Variants in GPLD1 observed in about 807,000 individuals in gnomAD.
The protein encoded by GPLD1 is phosphatidylinositol-glycan-specific phospholipase D.
In GPLD1, 84 loss-of-function variants were observed where a neutral mutation model predicts 112.6. The observed-to-expected ratio is 0.75, with a 90% CI of 0.63 to 0.89. The LOEUF (loss-of-function observed/expected upper bound fraction) is 0.89, where lower values mean the gene tolerates loss of function less well. Ranked by LOEUF, GPLD1 falls within the 40% of genes least tolerant of loss-of-function variation. The probability of loss-of-function intolerance (pLI) is 0.00; values close to 1 mark genes in which losing one functional copy is unlikely to be tolerated. For missense variants in GPLD1, 1,044 were observed against 1,051.5 expected (o/e 0.99, Z 0.10); for synonymous variants, 386 against 403.8 (o/e 0.96, Z 0.53).
chr6:24,483,986 G>T (rs1464357661), intron 2 of GPLD1, among the ~76,000 whole-genome samples: 1 of 152,124 alleles, frequency 6.6e-6, no homozygotes, highest in Admixed American at 6.5e-5. Flanking sequence ...TGCGATCTCC[G>T]CTCCCTGCAA....
chr6:24,435,307 G>A (rs141735110), intron 22 of GPLD1, among the ~76,000 whole-genome samples: 340 of 152,102 alleles, frequency 2.2e-3, no homozygotes, highest in African/African-American at 5.9e-3. Flanking sequence ...CACTGCGCCC[G>A]GCCAATTTCA....
chr6:24,432,207 A>G (rs1762424771), intron 24 of GPLD1, among the ~76,000 whole-genome samples: 1 of 142,988 alleles, frequency 7.0e-6, no homozygotes, highest in South Asian at 2.2e-4. Flanking sequence ...AGACCACACC[A>G]TTGCACTCCG....
chr6:24,495,066 C>A, exon 1 of GPLD1: 1 of 1,337,578 alleles, frequency 7.5e-7, no homozygotes, highest in Non-Finnish European at 9.6e-7. Context: ...AGGCTGCCGC[C>A]TCCGCCCCCG....
Position 24,456,604 on chromosome 6 carries a change from T to C in GPLD1, c.1042A>G (p.Arg348Gly), listed in dbSNP as rs2127345382. 3 of 1,606,622 alleles carry C rather than the reference T, an allele frequency of 1.9e-6. No homozygotes were observed. Among genetic ancestry groups the C allele is most frequent in the Non-Finnish European group, 2.6e-6 (3 of 1,173,654 alleles). ...CCTATGAACATTGTCCTTATGTTCC[T>C]TTCCAAAGCCTTGTAGATAAAGGAC... is the stretch of plus-strand genomic sequence containing the variant. Reference protein sequence around the residue: ...SMSFIYKALERNIRTMFIGGS... With the variant: ...SMSFIYKALEGNIRTMFIGGS... The change falls in exon 13 of 25, where the codon AGG becomes GGG. Residue 348 changes from arginine (R) to glycine (G), a missense_variant. Physicochemically the swap from Arg to Gly is moderately radical, Grantham distance 125 (BLOSUM62 -2). Coordinates refer to ENST00000230036, the MANE Select transcript of GPLD1 (RefSeq NM_001503.4).
rs1312588466 is a variant in GPLD1 at position 24,428,062 on chromosome 6, T to C, written c.*970A>G. 1 of 151,244 alleles carries C rather than the reference T, an allele frequency of 6.6e-6. No individual in the cohort carries two copies. Among genetic ancestry groups the C allele is most frequent in the African/African-American group, 2.4e-5 (1 of 41,152 alleles). The allele number at this position is 151,244 out of a possible 1,614,324, so 9.4% of individuals were successfully genotyped here. A position where few individuals can be genotyped will look rare whatever the true frequency, so the allele number is the denominator to read the frequency against. ...TTCACATGTACCACTGAACCTAAAATAAAAGTTAAAAAGGACTAAGTCACA... is the reference window on the plus strand; with the variant it reads ...TTCACATGTACCACTGAACCTAAAACAAAAGTTAAAAAGGACTAAGTCACA... On this transcript the variant is annotated 3_prime_UTR_variant, in exon 25 of 25. Transcript: ENST00000230036.
intron 1 of GPLD1, among the ~76,000 whole-genome samples, chr6:24,488,276 G>A (rs1271334818): frequency 3.9e-5 from 6 of 152,082 alleles, no homozygotes; most frequent in Non-Finnish European, 7.4e-5. Flanking sequence ...GCCAGGCGTG[G>A]TGGCGGGCAC....
intron 20 of GPLD1, 115 bp downstream of exon 20, chr6:24,445,431 G>GA (rs1357195511): frequency 2.9e-6 from 2 of 678,688 alleles, no homozygotes; most frequent in African/African-American, 3.6e-5. Flanking sequence ...ATGAAAAAAG[G>GA]AAATATTGAA....
intron 22 of GPLD1, among the ~76,000 whole-genome samples, chr6:24,434,600 CAG>C (rs1022038106): frequency 6.6e-6 from 1 of 151,882 alleles, no homozygotes; most frequent in Non-Finnish European, 1.5e-5. Flanking sequence ...TATTTTAAGA[CAG>C]GGTCTTGGGC....
Position 24,442,665 on chromosome 6 carries a change from C to T in GPLD1, c.2020+2881G>A, listed in dbSNP as rs146614766. Among the ~76,000 whole-genome samples, 133 of 151,698 alleles carry T rather than the reference C, an allele frequency of 8.8e-4. 1 individual carries two copies. The East Asian group carries it at 0.024, about 27-fold the overall frequency. ...TTCACTGTGTTAGCCAGGATGGTCT[C>T]GATCACCTGACCTCATGATCCACCC... On this transcript the variant is annotated intron_variant, in intron 20 of 24. Transcript: ENST00000230036.
rs773875614 is a variant in GPLD1, at chr6:24,437,062, C to T, written c.2197+51G>A. The T allele has an allele frequency of 6.8e-5, 105 of 1,535,384 alleles. No individual in the cohort carries two copies. In the East Asian group the frequency reaches 2.3e-3, roughly 34 times the overall value. On this transcript the variant is annotated intron_variant, in intron 21 of 24. Transcript: ENST00000230036. Reference sequence around the variant, plus strand: ...AGATGACCCAATTAGGGGACCCACCCCCTGGGCAAAGGGACTCAATTCTTG... The same window carrying T: ...AGATGACCCAATTAGGGGACCCACCTCCTGGGCAAAGGGACTCAATTCTTG...
chr6:24,461,462 A>T (rs1763432111), intron 11 of GPLD1, among the ~76,000 whole-genome samples: 1 of 152,194 alleles, frequency 6.6e-6, no homozygotes, highest in African/African-American at 2.4e-5. Flanking sequence ...TTATCATTGC[A>T]ATACTCTACT....
intron 4 of GPLD1, among the ~76,000 whole-genome samples, chr6:24,475,828 A>C (rs1763996033): frequency 6.6e-6 from 1 of 152,048 alleles, no homozygotes; most frequent in Non-Finnish European, 1.5e-5. Flanking sequence ...ACTGCACTCC[A>C]GCCTGGGTGA....
chr6:24,453,298 A>G (rs1163459955), intron 14 of GPLD1, among the ~76,000 whole-genome samples: 1 of 152,208 alleles, frequency 6.6e-6, no homozygotes, highest in Admixed American at 6.5e-5. Flanking sequence ...ATGAGTAAAC[A>G]GTACATGGGA....
At chr6:24,493,035 G>GCC (rs1428079870), upstream of GPLD1, among the ~76,000 whole-genome samples, 1 of 152,108 alleles carries the variant, frequency 6.6e-6, no homozygotes, top group African/African-American at 2.4e-5. Flanking sequence ...TACCTACTGT[G>GCC]CGTAATGGAT....
intron 3 of GPLD1, among the ~76,000 whole-genome samples, chr6:24,477,610 G>A (rs1234888459): frequency 6.6e-6 from 1 of 152,008 alleles, no homozygotes; most frequent in Non-Finnish European, 1.5e-5. Flanking sequence ...CACACCTATA[G>A]TCTCAGCTAC....
chr6:24,480,059 G>A (rs1764150079), intron 2 of GPLD1, 100 bp from the exon 3 acceptor site: 3 of 712,186 alleles, frequency 4.2e-6, no homozygotes, highest in Non-Finnish European at 7.6e-6. Flanking sequence ...GAAATATGGG[G>A]GTATAGATGG....
intron 22 of GPLD1, chr6:24,435,817 G>T (rs1772255): frequency 0.91 from 94,380 of 103,292 alleles, 43,015 homozygotes; most frequent in Non-Finnish European, 0.97. Flanking sequence ...AGAGCCAGAC[G>T]CTGTCTCAAA....
chr6:24,483,754 T>C (rs1764279014), intron 2 of GPLD1, among the ~76,000 whole-genome samples: 1 of 152,004 alleles, frequency 6.6e-6, no homozygotes, highest in African/African-American at 2.4e-5. Flanking sequence ...GGTATTTTCA[T>C]GTGAACTTAT....
chr6:24,438,964 A>T (rs1331874364), intron 20 of GPLD1, among the ~76,000 whole-genome samples: 1 of 152,022 alleles, frequency 6.6e-6, no homozygotes, highest in Non-Finnish European at 1.5e-5. Flanking sequence ...TTGTATTTTT[A>T]GTAGAGACAG....
Sources: allele counts gnomAD v4.1 joint callset (sites outside exome capture counted in the v4.1 genomes callset), GRCh38; gene constraint gnomAD v4.1.1; transcripts MANE v1.5; gene names NCBI Gene and HGNC (gene_info 2026-07-23, HGNC 2026-07-21).